Variants in RABGAP1L observed in about 807,000 individuals in gnomAD.
The protein encoded by RABGAP1L is RAB GTPase activating protein 1 like.
In RABGAP1L, 63 loss-of-function variants were observed where a neutral mutation model predicts 137.7. The ratio of observed to expected loss-of-function variants is 0.46; its 90% CI spans 0.37 to 0.56. RABGAP1L has a LOEUF of 0.56. Among genes scored for constraint, RABGAP1L ranks in the 20% least tolerant of loss-of-function variants. RABGAP1L has a pLI of 0.00. For missense variants in RABGAP1L, 1,095 were observed against 1,244.0 expected (o/e 0.88, Z 1.80); for synonymous variants, 431 against 433.7 (o/e 0.99, Z 0.08).
At chr1:174,827,049 G>C (rs565624481) in intron 19 of RABGAP1L, among the ~76,000 whole-genome samples, 1 of 152,194 alleles carries the variant, frequency 6.6e-6, no homozygotes, top group African/African-American at 2.4e-5. Flanking sequence ...TCTCTTCTTG[G>C]TTTCCACATG....
chr1:174,459,288 A>C (rs1656401001), intron 13 of RABGAP1L, among the ~76,000 whole-genome samples: 1 of 152,104 alleles, frequency 6.6e-6, no homozygotes, highest in African/African-American at 2.4e-5. Flanking sequence ...TTAATAATCC[A>C]TTGGGAAGTT....
chr1:174,227,582 G>T lies in RABGAP1L; in HGVS notation c.332-3563G>T, dbSNP rs185036164. Among the ~76,000 whole-genome samples the T allele has an allele frequency of 9.9e-5, 15 of 151,950 alleles. No homozygotes were observed. In the East Asian group the frequency reaches 2.1e-3, roughly 22 times the overall value. ...CTTGCTGTTTTTCTCTGTCTCTTCT[G>T]TTCTTGTTTTTCCCCTCCTTTCCTG... On this transcript the variant is annotated intron_variant, in intron 3 of 25. Transcript: ENST00000681986.
rs538169661 is a variant in RABGAP1L at position 174,298,220 on chromosome 1, G to A, written c.1324-6766G>A. 4.1e-4 allele frequency among the ~76,000 whole-genome samples: 62 copies of A among 152,266 alleles called. 1 individual carries two copies. The South Asian group carries it at 0.012, about 28-fold the overall frequency. On this transcript the variant is annotated intron_variant, in intron 10 of 25. Coordinates refer to ENST00000681986, the MANE Select transcript of RABGAP1L (RefSeq NM_001366446.1). ...GTACCTGAGGGAGAGAGGGAAGAGC[G>A]TCCTCTTTCCGTCTTCTGTCCTTGC... is the stretch of plus-strand genomic sequence containing the variant.
intron 10 of RABGAP1L, among the ~76,000 whole-genome samples, chr1:174,294,458 C>T (rs1430134229): frequency 2.6e-5 from 4 of 152,120 alleles, no homozygotes; most frequent in Non-Finnish European, 5.9e-5. Context: ...ATTGATGGAG[C>T]ATCAGTGGAC....
chr1:174,679,712 G>C (rs1677905671), intron 14 of RABGAP1L, among the ~76,000 whole-genome samples: 2 of 152,120 alleles, frequency 1.3e-5, no homozygotes, highest in African/African-American at 4.8e-5. Flanking sequence ...AGATATATCA[G>C]GTTCATGACT....
chr1:174,329,949 CAAAA>C (rs60754983), intron 11 of RABGAP1L, among the ~76,000 whole-genome samples: 1 of 142,440 alleles, frequency 7.0e-6, no homozygotes, highest in Non-Finnish European at 1.6e-5. Flanking sequence ...TGGTCTCCTG[CAAAA>C]AAAAAAAAAT....
chr1:174,428,636 C>G (rs761689060), intron 13 of RABGAP1L, among the ~76,000 whole-genome samples: 14 of 151,982 alleles, frequency 9.2e-5, no homozygotes, highest in Non-Finnish European at 1.9e-4. Flanking sequence ...TTTAAAAATT[C>G]TACTATTTGT....
intron 13 of RABGAP1L, among the ~76,000 whole-genome samples, chr1:174,407,301 G>GTT (rs527590027): frequency 6.3e-5 from 9 of 142,326 alleles, no homozygotes; most frequent in African/African-American, 2.3e-4. Context: ...GTCTCTTTAT[G>GTT]TTTTTTTTTT....
chr1:174,446,818 A>C (rs1250443328), intron 13 of RABGAP1L, among the ~76,000 whole-genome samples: 1 of 152,224 alleles, frequency 6.6e-6, no homozygotes. Context: ...TAGTTGAAGT[A>C]ATGATTTAAT....
intron 14 of RABGAP1L, among the ~76,000 whole-genome samples, chr1:174,660,918 T>G (rs568449334): frequency 6.6e-6 from 1 of 152,216 alleles, no homozygotes; most frequent in Non-Finnish European, 1.5e-5. Context: ...ACATTATTTA[T>G]TTATTATGGC....
intron 11 of RABGAP1L, among the ~76,000 whole-genome samples, chr1:174,316,546 A>G (rs180725945): frequency 2.0e-5 from 3 of 152,310 alleles, no homozygotes; most frequent in East Asian, 1.9e-4. Flanking sequence ...CTGGATTACC[A>G]TGCAGAGACT....
chr1:174,902,725 T>A (rs1244328377), intron 19 of RABGAP1L, among the ~76,000 whole-genome samples: 1 of 152,162 alleles, frequency 6.6e-6, no homozygotes, highest in Non-Finnish European at 1.5e-5. Context: ...TTCCCTTGGC[T>A]GGGGGTGGAG....
chr1:174,598,742 T>G (rs977897093), intron 13 of RABGAP1L, among the ~76,000 whole-genome samples: 1 of 152,196 alleles, frequency 6.6e-6, no homozygotes, highest in African/African-American at 2.4e-5. Context: ...TGGTTTTCAT[T>G]TGCATGGAAT....
chr1:174,307,568 G>A (rs1121537), intron 11 of RABGAP1L, among the ~76,000 whole-genome samples: 42,778 of 151,910 alleles, frequency 0.28, 6,581 homozygotes, highest in African/African-American at 0.39. Context: ...GTGACTTTTT[G>A]TGTCTGGCTT....
chr1:174,732,212 A>G (rs1682543615), intron 17 of RABGAP1L, among the ~76,000 whole-genome samples: 1 of 151,714 alleles, frequency 6.6e-6, no homozygotes, highest in Admixed American at 6.6e-5. Flanking sequence ...AAAAAAAAAA[A>G]ACATGGATTG....
chr1:174,627,426 A>G (rs1287571395), intron 13 of RABGAP1L, among the ~76,000 whole-genome samples: 1 of 152,220 alleles, frequency 6.6e-6, no homozygotes, highest in East Asian at 1.9e-4. Context: ...TTGAAAAAGA[A>G]TTAAGAGAAT....
chr1:174,512,895 A>G (rs912489713), intron 13 of RABGAP1L, among the ~76,000 whole-genome samples: 1 of 152,190 alleles, frequency 6.6e-6, no homozygotes, highest in Non-Finnish European at 1.5e-5. Flanking sequence ...ATGCTGTTCA[A>G]TATATGTTTT....
intron 1 of RABGAP1L, among the ~76,000 whole-genome samples, chr1:174,162,775 C>CTTTTTTTTTTTTTTTTTTTT (rs1571316527): frequency 4.3e-5 from 1 of 23,442 alleles, no homozygotes; most frequent in African/African-American, 1.8e-4. Flanking sequence ...TTTTCTCTTT[C>CTTTTTTTTTTTTTTTTTTTT]TGTTTTTTTT....
chr1:174,964,488 A>G (rs1050083639), intron 20 of RABGAP1L, among the ~76,000 whole-genome samples: 1 of 152,192 alleles, frequency 6.6e-6, no homozygotes, highest in East Asian at 1.9e-4. Flanking sequence ...CCAGGTACAC[A>G]TGAGATCCAG....
Sources: gnomAD v4.1 joint callset for allele counts (sites outside exome capture counted in the v4.1 genomes callset) on GRCh38, gnomAD v4.1.1 for gene constraint, MANE v1.5 for transcripts, NCBI Gene and HGNC (gene_info 2026-07-23, HGNC 2026-07-21) for gene names.